The following MECOM variants were observed in gnomAD, a reference collection of about 807,000 sequenced individuals.
The protein encoded by MECOM is histone-lysine N-methyltransferase MECOM.
In MECOM, 13 loss-of-function variants were observed where a neutral mutation model predicts 116.3. The ratio of observed to expected loss-of-function variants is 0.11; its 90% CI spans 0.07 to 0.18. The LOEUF (loss-of-function observed/expected upper bound fraction) is 0.18. Ranked by LOEUF, MECOM falls within the 10% of genes least tolerant of loss-of-function variation. MECOM has a pLI of 1.00. For synonymous variants in MECOM, 528 were observed against 535.2 expected (o/e 0.99, Z 0.19); for missense variants, 1,299 against 1,509.0 (o/e 0.86, Z 2.31).
At position 169,480,987 on chromosome 3, in the gene MECOM, G is replaced by A. The variant is rs576633824; in HGVS notation, c.38-99463C>T. On this transcript the variant is annotated intron_variant, in intron 1 of 16. Coordinates refer to ENST00000651503, the MANE Select transcript of MECOM (RefSeq NM_004991.4). ...TACATGGCACAAAATCTTAAAACACGTTTCTGTACTTCACAAGTCAACAAA... is the reference window on the plus strand; with the variant it reads ...TACATGGCACAAAATCTTAAAACACATTTCTGTACTTCACAAGTCAACAAA... Among the ~76,000 whole-genome samples, 6 of 152,120 alleles carry A rather than the reference G, an allele frequency of 3.9e-5. No homozygotes were observed. The East Asian group carries it at 5.8e-4, about 15-fold the overall frequency.
intron 1 of MECOM, among the ~76,000 whole-genome samples, chr3:169,436,813 A>T (rs1203343187): frequency 6.6e-6 from 1 of 152,264 alleles, no homozygotes; most frequent in South Asian, 2.1e-4. Context: ...AATATTAAAA[A>T]TTTTTGGAAA....
At chr3:169,198,616 C>G (rs986664583) in intron 2 of MECOM, among the ~76,000 whole-genome samples, 1 of 151,912 alleles carries the variant, frequency 6.6e-6, no homozygotes, top group East Asian at 1.9e-4. Context: ...CTTTTTCCTT[C>G]GCATACCTTA....
chr3:169,397,900 G>A (rs1349428965), intron 1 of MECOM, among the ~76,000 whole-genome samples: 1 of 152,180 alleles, frequency 6.6e-6, no homozygotes, highest in African/African-American at 2.4e-5. Flanking sequence ...TTACTGCAAT[G>A]TAAGGCAGTT....
chr3:169,417,334 G>A (rs1198041047), intron 1 of MECOM, among the ~76,000 whole-genome samples: 9 of 150,490 alleles, frequency 6.0e-5, no homozygotes, highest in African/African-American at 2.2e-4. Context: ...AGACATTTAT[G>A]CAGCCAAAAA....
At chr3:169,655,883 G>A (rs987654243) in intron 1 of MECOM, among the ~76,000 whole-genome samples, 1 of 152,180 alleles carries the variant, frequency 6.6e-6, no homozygotes, top group African/African-American at 2.4e-5. Context: ...TAGGTACTTT[G>A]CACACATTAT....
chr3:169,291,916 C>T (rs1375420162), intron 2 of MECOM, among the ~76,000 whole-genome samples: 2 of 152,168 alleles, frequency 1.3e-5, no homozygotes, highest in African/African-American at 4.8e-5. Flanking sequence ...CTGCATACTT[C>T]AAGCAAAAAC....
chr3:169,274,566 A>G (rs1207650446), intron 2 of MECOM, among the ~76,000 whole-genome samples: 1 of 152,180 alleles, frequency 6.6e-6, no homozygotes, highest in Non-Finnish European at 1.5e-5. Context: ...AATGCTAAAT[A>G]GAACTAAAGG....
intron 1 of MECOM, among the ~76,000 whole-genome samples, chr3:169,505,450 A>G (rs572832888): frequency 1.2e-4 from 19 of 152,258 alleles, no homozygotes; most frequent in African/African-American, 4.6e-4. Context: ...TATATATTTG[A>G]GGTACATAAC....
chr3:169,547,158 T>A (rs1429662968), intron 1 of MECOM, among the ~76,000 whole-genome samples: 1 of 152,206 alleles, frequency 6.6e-6, no homozygotes. Flanking sequence ...TCCCCCTTGC[T>A]GTTCTCATAA....
intron 1 of MECOM, among the ~76,000 whole-genome samples, chr3:169,634,478 C>T (rs550744389): frequency 6.6e-6 from 1 of 152,196 alleles, no homozygotes; most frequent in Non-Finnish European, 1.5e-5. Flanking sequence ...AATAGCTAAT[C>T]TCTCTCACTT....
At chr3:169,332,006 A>T (rs933332134) in intron 2 of MECOM, among the ~76,000 whole-genome samples, 48 of 48,590 alleles carry the variant, frequency 9.9e-4, no homozygotes, top group Admixed American at 7.8e-3. Context: ...TTTTTTATTT[A>T]AAAAAAAAAA....
chr3:169,234,912 G>A (rs1192153557), intron 2 of MECOM, among the ~76,000 whole-genome samples: 3 of 152,150 alleles, frequency 2.0e-5, no homozygotes, highest in Admixed American at 1.3e-4. Flanking sequence ...TTGTTCATGA[G>A]TTGGAAAACT....
chr3:169,100,101 C>CTTTCTTTT (rs1196989981), intron 12 of MECOM, among the ~76,000 whole-genome samples: 133 of 50,648 alleles, frequency 2.6e-3, no homozygotes, highest in Non-Finnish European at 3.8e-3. Flanking sequence ...TTCTTTCTTT[C>CTTTCTTTT]TTTTTTTTTT....
intron 1 of MECOM, among the ~76,000 whole-genome samples, chr3:169,584,153 A>G (rs1236725475): frequency 3.9e-5 from 6 of 152,222 alleles, no homozygotes; most frequent in Non-Finnish European, 8.8e-5. Flanking sequence ...AAATAAAGAC[A>G]TAGAAGATAT....
At chr3:169,160,974 G>A (rs1343793082) in intron 2 of MECOM, among the ~76,000 whole-genome samples, 2 of 152,150 alleles carry the variant, frequency 1.3e-5, no homozygotes, top group Admixed American at 1.3e-4. Context: ...TCAATTTTGG[G>A]TGCAAAAATT....
intron 2 of MECOM, among the ~76,000 whole-genome samples, chr3:169,342,381 A>T (rs1197626982): frequency 6.6e-6 from 1 of 152,066 alleles, no homozygotes; most frequent in African/African-American, 2.4e-5. Context: ...AAGCATATTA[A>T]TAATAATAGT....
intron 1 of MECOM, among the ~76,000 whole-genome samples, chr3:169,641,623 A>G (rs1391895054): frequency 2.0e-5 from 3 of 152,182 alleles, no homozygotes; most frequent in Non-Finnish European, 4.4e-5. Context: ...ACCAATATAA[A>G]TGCCATTTTT....
chr3:169,271,119 C>A (rs961486608), intron 2 of MECOM, among the ~76,000 whole-genome samples: 1 of 152,132 alleles, frequency 6.6e-6, no homozygotes, highest in Non-Finnish European at 1.5e-5. Flanking sequence ...TCCCAAAGCA[C>A]CACTAAGGTT....
At chr3:169,137,121 T>C (rs973918598) in intron 3 of MECOM, among the ~76,000 whole-genome samples, 4 of 152,110 alleles carry the variant, frequency 2.6e-5, no homozygotes, top group African/African-American at 4.8e-5. Context: ...TTATTTTCTA[T>C]ACCTTCATTC....
Sources: gnomAD v4.1 joint callset for allele counts (sites outside exome capture counted in the v4.1 genomes callset) on GRCh38, gnomAD v4.1.1 for gene constraint, MANE v1.5 for transcripts, NCBI Gene and HGNC (gene_info 2026-07-23, HGNC 2026-07-21) for gene names.